The following AFG2A variants were observed in gnomAD, a reference collection of about 807,000 sequenced individuals.
The protein encoded by AFG2A is AAA ATPase AFG2A, also known as ATPase family gene 2 protein homolog A.
chr4:123,190,304 T>C, the AFG2A span, among the ~76,000 whole-genome samples: 2 of 152,338 alleles, frequency 1.3e-5, no homozygotes, highest in South Asian at 2.1e-4. Flanking sequence ...ACTTTTGGCC[T>C]CATACTAGCG....
the AFG2A span, among the ~76,000 whole-genome samples, chr4:123,117,540 A>G: frequency 1.3e-5 from 2 of 151,072 alleles, no homozygotes; most frequent in Non-Finnish European, 3.0e-5. Context: ...CTATTGTGCT[A>G]CAACAGAAAC....
At chr4:122,945,248 C>T in the AFG2A span, among the ~76,000 whole-genome samples, 1 of 152,236 alleles carries the variant, frequency 6.6e-6, no homozygotes, top group Non-Finnish European at 1.5e-5. Context: ...GAGGTGGAGC[C>T]TACAGAGGCA....
At chr4:123,092,200 A>T in the AFG2A span, among the ~76,000 whole-genome samples, 1 of 152,184 alleles carries the variant, frequency 6.6e-6, no homozygotes, top group Non-Finnish European at 1.5e-5. Flanking sequence ...CTTAACAAGG[A>T]CTGTAGAAAC....
chr4:123,122,077 C>G, the AFG2A span, among the ~76,000 whole-genome samples: 2 of 152,138 alleles, frequency 1.3e-5, no homozygotes, highest in African/African-American at 2.4e-5. Context: ...GTTTTGCTGC[C>G]TCACCGATTT....
the AFG2A span, among the ~76,000 whole-genome samples, chr4:123,058,391 G>A: frequency 1.3e-5 from 2 of 152,182 alleles, no homozygotes; most frequent in South Asian, 2.1e-4. Context: ...TTGGCAGGCC[G>A]AGGTGGGCGA....
the AFG2A span, among the ~76,000 whole-genome samples, chr4:123,198,247 C>T: frequency 6.8e-6 from 1 of 147,036 alleles, no homozygotes; most frequent in Non-Finnish European, 1.5e-5. Context: ...CCAGCCTAAA[C>T]GACAGAGCTA....
the AFG2A span, chr4:122,938,385 G>C: frequency 7.9e-6 from 8 of 1,015,046 alleles, no homozygotes; most frequent in Non-Finnish European, 1.1e-5. Flanking sequence ...GCAACTAGGG[G>C]AAAGATCTGT....
At chr4:123,128,736 A>G in the AFG2A span, among the ~76,000 whole-genome samples, 5,582 of 152,170 alleles carry the variant, frequency 0.037, 339 homozygotes, top group African/African-American at 0.13. Flanking sequence ...TTATGGTTAA[A>G]CCCTTAAATA....
chr4:123,102,517 T>A, the AFG2A span, among the ~76,000 whole-genome samples: 1 of 152,026 alleles, frequency 6.6e-6, no homozygotes, highest in Non-Finnish European at 1.5e-5. Context: ...AACTATTTTT[T>A]AATGAATATG....
the AFG2A span, among the ~76,000 whole-genome samples, chr4:123,010,781 C>A: frequency 3.3e-5 from 5 of 152,190 alleles, no homozygotes; most frequent in African/African-American, 1.2e-4. Flanking sequence ...TCATTGAACT[C>A]GCTCTGTGCC....
chr4:123,230,362 C>T, the AFG2A span, among the ~76,000 whole-genome samples: 1 of 151,952 alleles, frequency 6.6e-6, no homozygotes, highest in Non-Finnish European at 1.5e-5. Flanking sequence ...TCGCAAGAAA[C>T]CACTTTCTTG....
chr4:123,224,499 T>G, the AFG2A span, among the ~76,000 whole-genome samples: 2 of 152,146 alleles, frequency 1.3e-5, no homozygotes, highest in African/African-American at 2.4e-5. Context: ...CTGAGAATGA[T>G]GGTTTCCAGC....
the AFG2A span, among the ~76,000 whole-genome samples, chr4:123,303,352 C>G: frequency 6.6e-6 from 1 of 152,156 alleles, no homozygotes; most frequent in Non-Finnish European, 1.5e-5. Flanking sequence ...AAGACCCCGT[C>G]TCCTAAAACA....
the AFG2A span, among the ~76,000 whole-genome samples, chr4:122,992,585 T>C: frequency 6.6e-5 from 10 of 152,324 alleles, no homozygotes; most frequent in African/African-American, 4.8e-5. Context: ...ATTTAAAAAA[T>C]AGTATAGTGG....
chr4:123,294,347 T>G, the AFG2A span, among the ~76,000 whole-genome samples: 4 of 152,338 alleles, frequency 2.6e-5, no homozygotes, highest in Admixed American at 2.6e-4. Flanking sequence ...GCTGGGCACA[T>G]GAACAGTCTC....
the AFG2A span, among the ~76,000 whole-genome samples, chr4:123,206,762 T>C: frequency 2.6e-5 from 4 of 152,176 alleles, no homozygotes; most frequent in East Asian, 5.8e-4. Context: ...AATTTATAAA[T>C]TCTTTTTTTT....
chr4:123,134,348 T>C, the AFG2A span, among the ~76,000 whole-genome samples: 1 of 152,218 alleles, frequency 6.6e-6, no homozygotes, highest in African/African-American at 2.4e-5. Context: ...TCATCACTTA[T>C]TGTAGAGACT....
chr4:123,036,439 A>G, the AFG2A span, among the ~76,000 whole-genome samples: 1 of 152,154 alleles, frequency 6.6e-6, no homozygotes, highest in Non-Finnish European at 1.5e-5. Flanking sequence ...AATGTTGAAT[A>G]TGTCCTAAAG....
the AFG2A span, among the ~76,000 whole-genome samples, chr4:123,273,314 C>A: frequency 1.3e-5 from 2 of 152,138 alleles, no homozygotes; most frequent in Non-Finnish European, 2.9e-5. Flanking sequence ...GAAATCCAAA[C>A]TTTATCAGTG....
Sources: gnomAD v4.1 joint callset for allele counts (sites outside exome capture counted in the v4.1 genomes callset) on GRCh38, gnomAD v4.1.1 for gene constraint, MANE v1.5 for transcripts, NCBI Gene and HGNC (gene_info 2026-07-23, HGNC 2026-07-21) for gene names.